Variants in TEAD4 observed in about 807,000 individuals in gnomAD.
TEAD4 encodes transcriptional enhancer factor TEF-3.
TEAD4 carries 36 observed loss-of-function variants against 52.4 expected under a neutral mutation model. The observed-to-expected ratio is 0.69, with a 90% CI of 0.53 to 0.91. TEAD4 has a LOEUF of 0.91. Ranked by LOEUF, TEAD4 falls within the 40% of genes least tolerant of loss-of-function variation. The pLI, the probability that TEAD4 is intolerant of heterozygous loss-of-function variation, is 0.00. For synonymous variants in TEAD4, 220 were observed against 231.0 expected (o/e 0.95, Z 0.43); for missense variants, 508 against 583.9 (o/e 0.87, Z 1.34).
chr12:3,013,691 G>A (rs1322249594), intron 5 of TEAD4, among the ~76,000 whole-genome samples: 2 of 152,128 alleles, frequency 1.3e-5, no homozygotes, highest in Admixed American at 6.5e-5. Flanking sequence ...CCAAGATAGT[G>A]CCACTGCACA....
chr12:3,011,644 C>T (rs2098260441), intron 4 of TEAD4, among the ~76,000 whole-genome samples: 1 of 152,118 alleles, frequency 6.6e-6, no homozygotes, highest in African/African-American at 2.4e-5. Context: ...CTAGGACAGA[C>T]AGTAAAACAT....
intron 11 of TEAD4, among the ~76,000 whole-genome samples, chr12:3,038,984 C>T (rs977240148): frequency 3.3e-5 from 5 of 152,312 alleles, no homozygotes; most frequent in East Asian, 1.9e-4. Context: ...GGCCAGTCTT[C>T]GTCCCTCTCC....
In TEAD4 at chr12:2,990,461, C is replaced by CTTTTTTTTTTTTTTTTTTTTTTTTT. The variant is rs71057876; in HGVS notation, c.-29-4274_-29-4250dup. On this transcript the variant is annotated intron_variant, in intron 2 of 12. Transcript: ENST00000359864. ...TAGAATTTAGGCTAAGACAGATAAT[C>CTTTTTTTTTTTTTTTTTTTTTTTTT]TTTTTTTTTTTTTTTTTTTTTTTTT... 9.0e-5 allele frequency among the ~76,000 whole-genome samples: 6 copies of CTTTTTTTTTTTTTTTTTTTTTTTTT among 67,038 alleles called. 2 individuals are homozygous for CTTTTTTTTTTTTTTTTTTTTTTTTT. Among genetic ancestry groups the CTTTTTTTTTTTTTTTTTTTTTTTTT allele is most frequent in the African/African-American group, 3.5e-4 (6 of 17,018 alleles). 44.0% of individuals were successfully genotyped at this position (67,038 alleles called of 152,430 possible).
At chr12:3,011,181 C>T (rs947796398) in intron 4 of TEAD4, 113 bp downstream of exon 4, 1 of 1,041,558 alleles carries the variant, frequency 9.6e-7, no homozygotes, top group South Asian at 1.4e-5. Flanking sequence ...GGGGCGGCAG[C>T]TCTGGATGAG....
rs994004738 is a variant in TEAD4 at position 3,005,815 on chromosome 12, G to A, written c.227-5189G>A. Among the ~76,000 whole-genome samples the A allele has an allele frequency of 2.0e-5, 3 of 151,838 alleles. No homozygotes were observed. In the South Asian group the frequency reaches 6.2e-4, roughly 32 times the overall value. On this transcript the variant is annotated intron_variant, in intron 3 of 12. Coordinates refer to ENST00000359864, the MANE Select transcript of TEAD4 (RefSeq NM_003213.4). ...CACCCAGACTTATTTTTATTTTTTT[G>A]TAGAGATGGAGTGGGTTTCACTATG...
chr12:3,018,726 C>T (rs2098266414), intron 7 of TEAD4, 138 bp downstream of exon 7: 1 of 1,046,992 alleles, frequency 9.6e-7, no homozygotes, highest in Admixed American at 2.1e-5. Flanking sequence ...GCTCTGAGCT[C>T]AGGGATTGGG....
chr12:2,999,622 G>C (rs935990561), intron 3 of TEAD4, among the ~76,000 whole-genome samples: 44 of 152,208 alleles, frequency 2.9e-4, no homozygotes, highest in Non-Finnish European at 6.3e-4. Context: ...CGAGCCCGGG[G>C]TGCTTGCCTT....
intron 3 of TEAD4, among the ~76,000 whole-genome samples, chr12:2,996,211 C>T (rs2098246982): frequency 6.6e-6 from 1 of 151,968 alleles, no homozygotes; most frequent in African/African-American, 2.4e-5. Context: ...ACAGGATGGC[C>T]CCAGACCAGC....
chr12:3,030,763 C>T (rs1009735657), intron 10 of TEAD4, among the ~76,000 whole-genome samples: 5 of 152,030 alleles, frequency 3.3e-5, no homozygotes, highest in South Asian at 4.1e-4. Context: ...TCGAAGGGGT[C>T]GGCAGTCGCT....
At chr12:2,968,577 A>AT (rs1392503690) in intron 2 of TEAD4, among the ~76,000 whole-genome samples, 14 of 149,370 alleles carry the variant, frequency 9.4e-5, no homozygotes, top group African/African-American at 1.2e-4. Flanking sequence ...CCCGCCTAAC[A>AT]TTTTTTTTGT....
chr12:2,972,205 A>C lies in TEAD4; in HGVS notation c.-30+12165A>C, dbSNP rs563624870. ...GCAATCCTCCTGCCTCAGCCTCCTG[A>C]GTAGCTGGGACCACAGACATGTGCC... On this transcript the variant is annotated intron_variant, in intron 2 of 12. Transcript: ENST00000359864. Among the ~76,000 whole-genome samples the C allele has an allele frequency of 1.8e-4, 27 of 152,156 alleles. 1 individual carries two copies. The South Asian group carries it at 5.6e-3, about 32-fold the overall frequency.
intron 3 of TEAD4, among the ~76,000 whole-genome samples, chr12:3,006,055 G>T (rs1041059184): frequency 2.6e-5 from 4 of 152,176 alleles, no homozygotes; most frequent in Non-Finnish European, 2.9e-5. Context: ...CATGAAAAAT[G>T]ATAAGTATTT....
chr12:2,984,305 A>G (rs959755268), intron 2 of TEAD4, among the ~76,000 whole-genome samples: 1 of 152,166 alleles, frequency 6.6e-6, no homozygotes, highest in African/African-American at 2.4e-5. Flanking sequence ...GAATCATGTG[A>G]TCAGGTTTGC....
chr12:3,036,016 C>T (rs186577024), intron 10 of TEAD4, among the ~76,000 whole-genome samples: 11 of 152,168 alleles, frequency 7.2e-5, no homozygotes, highest in Admixed American at 5.9e-4. Context: ...TCCCCTCCCT[C>T]CCAGCATCAC....
chr12:2,972,455 A>AT (rs2098225929), intron 2 of TEAD4, among the ~76,000 whole-genome samples: 1 of 95,302 alleles, frequency 1.0e-5, no homozygotes, highest in African/African-American at 4.2e-5. Context: ...TTTTACGTTC[A>AT]TTTTTTACGT....
At chr12:2,988,324 C>A (rs1298769906) in intron 2 of TEAD4, among the ~76,000 whole-genome samples, 1 of 151,784 alleles carries the variant, frequency 6.6e-6, no homozygotes, top group African/African-American at 2.4e-5. Context: ...ACCAGCCTGG[C>A]CAACATGGCG....
At chr12:3,025,016 C>T (rs1466938246) in intron 10 of TEAD4, among the ~76,000 whole-genome samples, 1 of 151,686 alleles carries the variant, frequency 6.6e-6, no homozygotes, top group Admixed American at 6.6e-5. Context: ...GCGATCTCGG[C>T]TCACTACAAC....
At chr12:2,972,978 A>C (rs1185649770) in intron 2 of TEAD4, among the ~76,000 whole-genome samples, 1 of 152,144 alleles carries the variant, frequency 6.6e-6, no homozygotes, top group Non-Finnish European at 1.5e-5. Flanking sequence ...CCATCCATGC[A>C]TTGGCCCCTT....
chr12:3,004,616 TA>T (rs2098254379), intron 3 of TEAD4, among the ~76,000 whole-genome samples: 1 of 152,190 alleles, frequency 6.6e-6, no homozygotes, highest in African/African-American at 2.4e-5. Context: ...TCCCTGTCTG[TA>T]GCGTGGATGA....
Sources: gnomAD v4.1 joint callset for allele counts (sites outside exome capture counted in the v4.1 genomes callset) on GRCh38, gnomAD v4.1.1 for gene constraint, MANE v1.5 for transcripts, NCBI Gene and HGNC (gene_info 2026-07-23, HGNC 2026-07-21) for gene names.